PRKCA: variants seen among roughly 807,000 people sequenced by gnomAD.
PRKCA encodes the protein protein kinase C alpha, also known as protein kinase C alpha type.
A neutral mutation model predicts 87.0 loss-of-function variants in PRKCA; 27 were observed. That is an observed-to-expected ratio of 0.31 (90% CI 0.23 to 0.43). The LOEUF (loss-of-function observed/expected upper bound fraction) is 0.43, where lower values mean the gene tolerates loss of function less well. Among genes scored for constraint, PRKCA ranks in the 20% least tolerant of loss-of-function variants. The probability of loss-of-function intolerance (pLI) is 1.00; values close to 1 mark genes in which losing one functional copy is unlikely to be tolerated. For synonymous variants in PRKCA, 329 were observed against 311.1 expected (o/e 1.06, Z -0.61); for missense variants, 518 against 852.3 (o/e 0.61, Z 4.88).
At chr17:66,715,444 C>A (rs897556355) in intron 8 of PRKCA, among the ~76,000 whole-genome samples, 1 of 152,204 alleles carries the variant, frequency 6.6e-6, no homozygotes, top group African/African-American at 2.4e-5. Flanking sequence ...GTGGCTCCCT[C>A]GGACCACTCC....
At chr17:66,800,372 G>A (rs1354712149) in intron 16 of PRKCA, among the ~76,000 whole-genome samples, 1 of 152,206 alleles carries the variant, frequency 6.6e-6, no homozygotes, top group African/African-American at 2.4e-5. Context: ...CTTTAGCTCT[G>A]CAGACCTCAG....
chr17:66,804,047 G>A lies in PRKCA; in HGVS notation c.*10G>A. On this transcript the variant is annotated 3_prime_UTR_variant, in exon 17 of 17. Coordinates refer to ENST00000413366, the MANE Select transcript of PRKCA (RefSeq NM_002737.3). ...ACAGAGTGCAGTATGAAACTCACCA[G>A]CGAGAACAAACACCTCCCCAGCCCC... The A allele has an allele frequency of 6.3e-7, 1 of 1,595,022 alleles. No homozygotes were observed. The highest frequency in any genetic ancestry group is 8.6e-7 in the Non-Finnish European group (1 of 1,164,758).
At chr17:66,628,780 C>A (rs1970927488) in intron 3 of PRKCA, among the ~76,000 whole-genome samples, 1 of 152,164 alleles carries the variant, frequency 6.6e-6, no homozygotes, top group African/African-American at 2.4e-5. Context: ...CTAATCCCAG[C>A]ACTTGGGGAG....
chr17:66,707,417 C>T (rs996075853), intron 8 of PRKCA, among the ~76,000 whole-genome samples: 1 of 152,102 alleles, frequency 6.6e-6, no homozygotes, highest in Non-Finnish European at 1.5e-5. Flanking sequence ...TTTGACAGCC[C>T]AGAGGAAGGT....
At chr17:66,581,994 A>G (rs1969453937) in intron 3 of PRKCA, among the ~76,000 whole-genome samples, 1 of 152,190 alleles carries the variant, frequency 6.6e-6, no homozygotes, top group Non-Finnish European at 1.5e-5. Context: ...CAGGAGAGCC[A>G]TGCTAGTTAT....
intron 7 of PRKCA, 93 bp from the exon 8 acceptor site, chr17:66,688,858 G>A (rs113040585): frequency 1.9e-4 from 143 of 762,580 alleles, no homozygotes; most frequent in African/African-American, 1.6e-3. Context: ...TAGCCTCTCC[G>A]TAGGATGCGT....
At chr17:66,522,545 G>A (rs147038281) in intron 3 of PRKCA, among the ~76,000 whole-genome samples, 28 of 152,188 alleles carry the variant, frequency 1.8e-4, no homozygotes, top group Admixed American at 5.2e-4. Context: ...TCAGTCCAGC[G>A]CCAGGTGCCG....
chr17:66,552,491 TCTG>T (rs1314714901), intron 3 of PRKCA, among the ~76,000 whole-genome samples: 1 of 152,138 alleles, frequency 6.6e-6, no homozygotes, highest in Non-Finnish European at 1.5e-5. Context: ...TGGGGAAGGA[TCTG>T]CTTCTAAGCC....
intron 3 of PRKCA, among the ~76,000 whole-genome samples, chr17:66,533,707 C>T (rs534633981): frequency 1.1e-5 from 1 of 89,280 alleles, no homozygotes; most frequent in East Asian, 3.8e-4. Flanking sequence ...GCCGCCCCCA[C>T]TGGCCAGGCA....
In PRKCA at chr17:66,797,045, A is replaced by G. The variant is rs900482198; in HGVS notation, c.1855-6828A>G. The G allele has an allele frequency of 3.0e-5, 28 of 928,946 alleles. No homozygotes were observed. The African/African-American group carries it at 3.8e-4, about 12-fold the overall frequency. 57.5% of individuals were successfully genotyped at this position (928,946 alleles called of 1,614,324 possible). A position where few individuals can be genotyped will look rare whatever the true frequency, so the allele number is the denominator to read the frequency against. ...GCTACTCATATTTCCCATAATTCCC[A>G]TAGCTGAGACCATGGGGTTGTATTC... On this transcript the variant is annotated intron_variant, in intron 16 of 16. Transcript: ENST00000413366.
intron 13 of PRKCA, among the ~76,000 whole-genome samples, chr17:66,743,452 G>T (rs780640878): frequency 6.6e-6 from 1 of 152,256 alleles, no homozygotes; most frequent in African/African-American, 2.4e-5. Flanking sequence ...GTTCTAAACT[G>T]CATGTTGTCT....
At chr17:66,396,162 G>T (rs375820670) in intron 2 of PRKCA, among the ~76,000 whole-genome samples, 21 of 152,054 alleles carry the variant, frequency 1.4e-4, no homozygotes, top group Non-Finnish European at 2.4e-4. Context: ...TGGGTGAAAT[G>T]CTACTTGTTG....
intron 13 of PRKCA, among the ~76,000 whole-genome samples, chr17:66,762,679 G>A (rs1974710734): frequency 6.6e-6 from 1 of 152,184 alleles, no homozygotes; most frequent in African/African-American, 2.4e-5. Flanking sequence ...ACGGTCAGGA[G>A]ACCTGAGGCC....
chr17:66,445,848 G>A (rs1257452402), intron 2 of PRKCA, among the ~76,000 whole-genome samples: 1 of 151,514 alleles, frequency 6.6e-6, no homozygotes, highest in African/African-American at 2.4e-5. Context: ...TCTGGCTCAG[G>A]CTCTGTCCAG....
At chr17:66,368,364 G>A (rs71376936) in intron 2 of PRKCA, among the ~76,000 whole-genome samples, 2,560 of 44,510 alleles carry the variant, frequency 0.058, 88 homozygotes, top group Non-Finnish European at 0.073. Context: ...GTGTGTATAT[G>A]TATATATATA....
At chr17:66,384,593 A>T (rs981106970) in intron 2 of PRKCA, among the ~76,000 whole-genome samples, 9 of 151,888 alleles carry the variant, frequency 5.9e-5, no homozygotes, top group African/African-American at 1.9e-4. Flanking sequence ...TTTGCATTTG[A>T]CAATGACTCC....
intron 3 of PRKCA, among the ~76,000 whole-genome samples, chr17:66,584,831 C>T (rs1312064233): frequency 5.9e-5 from 9 of 152,146 alleles, no homozygotes; most frequent in Admixed American, 2.0e-4. Context: ...ATCTCGAGGT[C>T]TTTATTTAAT....
chr17:66,727,799 G>A (rs982168527), intron 8 of PRKCA, among the ~76,000 whole-genome samples: 2 of 152,138 alleles, frequency 1.3e-5, no homozygotes, highest in African/African-American at 2.4e-5. Context: ...GGAAGACAGA[G>A]GAGGTGCTGG....
At chr17:66,516,857 C>T (rs190319063) in intron 3 of PRKCA, among the ~76,000 whole-genome samples, 13 of 152,248 alleles carry the variant, frequency 8.5e-5, no homozygotes, top group Non-Finnish European at 1.5e-5. Context: ...ACAAGAAATG[C>T]TAGCTCTGAT....
Sources: gnomAD v4.1 joint callset for allele counts (sites outside exome capture counted in the v4.1 genomes callset) on GRCh38, gnomAD v4.1.1 for gene constraint, MANE v1.5 for transcripts, NCBI Gene and HGNC (gene_info 2026-07-23, HGNC 2026-07-21) for gene names.